The following HPSE2 variants were observed in gnomAD, a reference collection of about 807,000 sequenced individuals.
The protein encoded by HPSE2 is inactive heparanase-2.
Under a neutral mutation model 60.5 loss-of-function variants are expected in HPSE2, and 38 were observed. The observed-to-expected ratio is 0.63, with a 90% CI of 0.48 to 0.82. The LOEUF is 0.82. Ranked by LOEUF, HPSE2 falls within the 40% of genes least tolerant of loss-of-function variation. HPSE2 has a pLI of 0.00. For missense variants in HPSE2, 713 were observed against 740.4 expected (o/e 0.96, Z 0.43); for synonymous variants, 295 against 293.2 (o/e 1.01, Z -0.06).
Position 98,630,409 on chromosome 10 carries a change from A to G in HPSE2, c.1099-9701T>C, listed in dbSNP as rs190311664. Among the ~76,000 whole-genome samples the G allele has an allele frequency of 3.9e-3, 594 of 151,926 alleles. 3 individuals carry two copies. Among genetic ancestry groups the G allele is most frequent in the East Asian group, 0.015 (78 of 5,144 alleles). Reference sequence around the variant, plus strand: ...AGACGGTGTTTCACCATGTTAGCCAAGATGGTCTCGATCTCCTGACCTCAT... The same window carrying G: ...AGACGGTGTTTCACCATGTTAGCCAGGATGGTCTCGATCTCCTGACCTCAT... On this transcript the variant is annotated intron_variant, in intron 7 of 11. Coordinates refer to ENST00000370552, the MANE Select transcript of HPSE2 (RefSeq NM_021828.5).
intron 3 of HPSE2, among the ~76,000 whole-genome samples, chr10:99,118,539 A>G (rs1844805252): frequency 6.6e-6 from 1 of 151,348 alleles, no homozygotes; most frequent in African/African-American, 2.4e-5. Flanking sequence ...AAAAAAAAAA[A>G]AACCATACCT....
At chr10:98,564,755 TA>T (rs1944291202) in intron 9 of HPSE2, among the ~76,000 whole-genome samples, 1 of 152,246 alleles carries the variant, frequency 6.6e-6, no homozygotes, top group Non-Finnish European at 1.5e-5. Flanking sequence ...GTAGCTGTTC[TA>T]AATCATCTCA....
At chr10:98,881,704 C>T (rs1485789089) in intron 3 of HPSE2, among the ~76,000 whole-genome samples, 2 of 152,006 alleles carry the variant, frequency 1.3e-5, no homozygotes, top group South Asian at 2.1e-4. Flanking sequence ...ATAAACTGCA[C>T]TTATAGGAGA....
intron 3 of HPSE2, among the ~76,000 whole-genome samples, chr10:99,006,905 C>T (rs1342894747): frequency 1.3e-5 from 2 of 152,028 alleles, no homozygotes; most frequent in Non-Finnish European, 2.9e-5. Flanking sequence ...CTTGGAAGCT[C>T]AATTTACAGG....
At chr10:99,184,841 G>C (rs1158234979) in intron 2 of HPSE2, among the ~76,000 whole-genome samples, 1,436 of 93,770 alleles carry the variant, frequency 0.015, 93 homozygotes, top group Non-Finnish European at 0.029. Flanking sequence ...GAGAGAGAGA[G>C]AGAGAGAGAG....
At chr10:98,493,987 T>A (rs1229436355) in intron 9 of HPSE2, among the ~76,000 whole-genome samples, 1 of 152,216 alleles carries the variant, frequency 6.6e-6, no homozygotes, top group Non-Finnish European at 1.5e-5. Flanking sequence ...TGGTATTACA[T>A]TTAACATCCT....
At chr10:98,630,325 G>A (rs1946333122) in intron 7 of HPSE2, among the ~76,000 whole-genome samples, 2 of 151,562 alleles carry the variant, frequency 1.3e-5, no homozygotes, top group African/African-American at 2.4e-5. Context: ...AGCCTCCCCA[G>A]TAGCTGGGAC....
At chr10:99,263,011 C>T in the HPSE2 span, among the ~76,000 whole-genome samples, 4 of 152,140 alleles carry the variant, frequency 2.6e-5, no homozygotes, top group Non-Finnish European at 4.4e-5. Flanking sequence ...GAGCCAGGAC[C>T]GTGCCCTGTA....
chr10:99,273,728 G>C, the HPSE2 span, among the ~76,000 whole-genome samples: 25 of 152,218 alleles, frequency 1.6e-4, no homozygotes, highest in African/African-American at 6.0e-4. Flanking sequence ...CAGACAGATG[G>C]ATGATGGATG....
chr10:99,193,969 A>C (rs749279661), intron 2 of HPSE2, among the ~76,000 whole-genome samples: 1 of 152,108 alleles, frequency 6.6e-6, no homozygotes, highest in Non-Finnish European at 1.5e-5. Context: ...CAAGAGCTGG[A>C]GAATACATAT....
At chr10:98,658,526 G>C (rs1947137828) in intron 6 of HPSE2, among the ~76,000 whole-genome samples, 1 of 151,912 alleles carries the variant, frequency 6.6e-6, no homozygotes. Flanking sequence ...CACTATCATT[G>C]ATTGAAATAA....
chr10:98,485,215 T>C (rs1941396216), intron 10 of HPSE2, among the ~76,000 whole-genome samples: 3 of 152,216 alleles, frequency 2.0e-5, no homozygotes, highest in South Asian at 4.1e-4. Flanking sequence ...ACTGGGAATC[T>C]ATACTTAAAA....
chr10:99,015,813 T>C (rs941071161), intron 3 of HPSE2, among the ~76,000 whole-genome samples: 1 of 152,262 alleles, frequency 6.6e-6, no homozygotes, highest in East Asian at 1.9e-4. Flanking sequence ...AAACTTAAAG[T>C]ATAATTAAAA....
chr10:99,244,382 T>A, the HPSE2 span, among the ~76,000 whole-genome samples: 6 of 134,182 alleles, frequency 4.5e-5, no homozygotes, highest in East Asian at 1.1e-3. Context: ...TTTTATTTCT[T>A]TTATTATTAT....
intron 9 of HPSE2, among the ~76,000 whole-genome samples, chr10:98,562,002 C>T (rs1944200837): frequency 6.6e-6 from 1 of 152,216 alleles, no homozygotes; most frequent in Non-Finnish European, 1.5e-5. Flanking sequence ...ATTGACTCAT[C>T]CAGAGCAGTT....
chr10:98,531,611 C>CCT (rs1458410154), intron 9 of HPSE2, among the ~76,000 whole-genome samples: 1 of 152,168 alleles, frequency 6.6e-6, no homozygotes, highest in East Asian at 1.9e-4. Context: ...GAAAGATGTC[C>CCT]AGTTTCTCAA....
intron 9 of HPSE2, among the ~76,000 whole-genome samples, chr10:98,595,732 T>A (rs1945217480): frequency 6.6e-6 from 1 of 152,206 alleles, no homozygotes; most frequent in African/African-American, 2.4e-5. Context: ...GGACTTCCAA[T>A]ACTATGTTGA....
intron 3 of HPSE2, among the ~76,000 whole-genome samples, chr10:98,960,713 TTTTTTTTG>T (rs1955640246): frequency 2.6e-5 from 2 of 76,848 alleles, no homozygotes; most frequent in African/African-American, 4.3e-5. Flanking sequence ...TTTTTTTTTT[TTTTTTTTG>T]TTTTATTTTT....
intron 2 of HPSE2, among the ~76,000 whole-genome samples, chr10:99,177,870 A>T (rs1847592984): frequency 6.6e-6 from 1 of 152,182 alleles, no homozygotes; most frequent in Non-Finnish European, 1.5e-5. Context: ...CATAATTGGA[A>T]GTAAAACATT....
Sources: gnomAD v4.1 joint callset for allele counts (sites outside exome capture counted in the v4.1 genomes callset) on GRCh38, gnomAD v4.1.1 for gene constraint, MANE v1.5 for transcripts, NCBI Gene and HGNC (gene_info 2026-07-23, HGNC 2026-07-21) for gene names.